Variants in COL4A5 observed in about 807,000 individuals in gnomAD.
COL4A5 encodes collagen alpha-5(IV) chain.
A neutral mutation model predicts 130.2 loss-of-function variants in COL4A5; 26 were observed. That is an observed-to-expected ratio of 0.20 (90% CI 0.15 to 0.28). The LOEUF (loss-of-function observed/expected upper bound fraction) is 0.28. Among genes scored for constraint, COL4A5 ranks in the 10% least tolerant of loss-of-function variants. COL4A5 has a pLI of 1.00. For synonymous variants in COL4A5, 496 were observed against 439.6 expected, an observed-to-expected ratio of 1.13 and a Z score of -1.60; for missense variants, 1,131 against 1,344.3, an observed-to-expected ratio of 0.84 and a Z score of 2.48.
At position 108,681,798 on chromosome X, in the gene COL4A5, A is replaced by G; in HGVS notation, c.4126A>G (p.Ile1376Val). 8.3e-7 allele frequency: 1 copy of G among 1,209,128 alleles called. No individual in the cohort carries two copies. The highest frequency in any genetic ancestry group is 1.7e-5 in the African/African-American group (1 of 57,628). The change falls in exon 47 of 53, where the codon ATA (isoleucine) becomes GTA (valine). Residue 1376 changes from isoleucine (I) to valine (V), a missense_variant. Physicochemically the swap from Ile to Val is conservative, Grantham distance 29. Transcript: ENST00000328300. Reference sequence around the variant, plus strand: ...ACCTGGTCCTTCAGGACAGAGTATCATAATTAAAGGAGATGCTGGTCCTCC... The same window carrying G: ...ACCTGGTCCTTCAGGACAGAGTATCGTAATTAAAGGAGATGCTGGTCCTCC... ...GLPGPSGQSI[I>V]IKGDAGPPGI...
chrX:108,484,646 A>G lies in COL4A5; in HGVS notation c.81+44440A>G, dbSNP rs2065904453. The stretch of plus-strand genomic sequence containing the variant: ...TCTTGTTCTCTTCCCTTATTTGCTC[A>G]CAAACAAAGGGAATCTCTCTGTGGT... On this transcript the variant is annotated intron_variant, in intron 1 of 52. Transcript: ENST00000328300. Among the ~76,000 whole-genome samples, 4 of 112,547 alleles carry G rather than the reference A, an allele frequency of 3.6e-5. No homozygotes were observed. The South Asian group carries it at 1.5e-3, about 42-fold the overall frequency.
chrX:108,572,053 C>T, intron 8 of COL4A5, among the ~76,000 whole-genome samples: 1 of 111,633 alleles, frequency 9.0e-6, no homozygotes, highest in Admixed American at 9.5e-5. Context: ...GTATATCAGA[C>T]TTGAGTTTCT....
At chrX:108,473,269 A>C (rs1188231753) in intron 1 of COL4A5, among the ~76,000 whole-genome samples, 2 of 110,732 alleles carry the variant, frequency 1.8e-5, no homozygotes, top group Non-Finnish European at 3.8e-5. Flanking sequence ...ACTACTTCAT[A>C]AGTAGAAGGA....
rs200264392 is a variant in COL4A5 at position 108,595,642 on chromosome X, C to T, written c.1516+41C>T. 5.5e-5 allele frequency: 61 copies of T among 1,116,523 alleles called. No individual in the cohort carries two copies. The East Asian group carries it at 1.8e-3, about 34-fold the overall frequency. The allele number at this position is 1,116,523 out of a possible 1,213,427, so 92.0% of individuals were successfully genotyped here. A position where few individuals can be genotyped will look rare whatever the true frequency, so the allele number is the denominator to read the frequency against. On this transcript the variant is annotated intron_variant, in intron 22 of 52. Coordinates refer to ENST00000328300, the MANE Select transcript of COL4A5 (RefSeq NM_033380.3). ...GGGTAACCTTCTAAATATTTTTTGG[C>T]TAGATTTTGTTGAGCTTATACTTTT...
In COL4A5 at chrX:108,696,136, A is replaced by G. The variant is rs958591957; in HGVS notation, c.4995-161A>G. The G allele has an allele frequency of 8.2e-6, 4 of 486,510 alleles. No individual in the cohort carries two copies. In the Admixed American group the frequency reaches 8.8e-5, roughly 11 times the overall value. 40.1% of individuals were successfully genotyped at this position (486,510 alleles called of 1,213,427 possible). ...TATGACCACTAATGGCTCTTAAACC[A>G]TACTAGTCACTGCATTAGATCATAT... On this transcript the variant is annotated intron_variant, in intron 52 of 52. Coordinates refer to ENST00000328300, the MANE Select transcript of COL4A5 (RefSeq NM_033380.3).
At chrX:108,602,864 G>A (rs2066658473) in intron 27 of COL4A5, 100 bp from the exon 28 acceptor site, 1 of 585,442 alleles carries the variant, frequency 1.7e-6, no homozygotes. Flanking sequence ...ACATCTTACT[G>A]TTGTCACTAA....
chrX:108,520,611 G>T (rs755241568), intron 1 of COL4A5, among the ~76,000 whole-genome samples: 1 of 111,562 alleles, frequency 9.0e-6, no homozygotes, highest in South Asian at 3.7e-4. Context: ...TTCAGCTTTT[G>T]CAACACTTGT....
chrX:108,509,139 A>G (rs1448952692), intron 1 of COL4A5, among the ~76,000 whole-genome samples: 1 of 112,211 alleles, frequency 8.9e-6, no homozygotes, highest in Non-Finnish European at 1.9e-5. Context: ...CAACCTACAG[A>G]ATGGGAGAAA....
At chrX:108,688,559 C>T (rs967434550) in intron 49 of COL4A5, among the ~76,000 whole-genome samples, 4 of 110,723 alleles carry the variant, frequency 3.6e-5, no homozygotes, top group African/African-American at 9.9e-5. Flanking sequence ...CCTCAGCCTC[C>T]GAAGTAGCTG....
chrX:108,507,082 C>T (rs1434089489), intron 1 of COL4A5, among the ~76,000 whole-genome samples: 2 of 109,078 alleles, frequency 1.8e-5, no homozygotes, highest in African/African-American at 6.7e-5. Context: ...AGCCCAGGAC[C>T]AGGTGGATTC....
At chrX:108,572,402 T>A (rs1363325760) in intron 8 of COL4A5, among the ~76,000 whole-genome samples, 1 of 111,716 alleles carries the variant, frequency 9.0e-6, no homozygotes. Context: ...TCCAAGTTAA[T>A]CCACCCACAA....
intron 10 of COL4A5, among the ~76,000 whole-genome samples, chrX:108,576,231 A>G (rs921355701): frequency 1.8e-5 from 2 of 112,175 alleles, no homozygotes; most frequent in African/African-American, 6.5e-5. Flanking sequence ...CTCTTGATGT[A>G]TCAGTGTTGA....
chrX:108,584,553 T>C, intron 18 of COL4A5, 28 bp downstream of exon 18: 1 of 1,159,403 alleles, frequency 8.6e-7, no homozygotes, highest in African/African-American at 1.8e-5. Flanking sequence ...AGTCTTCGTT[T>C]ATCAAATTTA....
intron 1 of COL4A5, among the ~76,000 whole-genome samples, chrX:108,482,790 C>G (rs1303919477): frequency 1.5e-4 from 17 of 111,644 alleles, no homozygotes; most frequent in Non-Finnish European, 3.8e-5. Context: ...CTCAGTATCT[C>G]CTTCTGAAGC....
At chrX:108,521,459 A>G (rs899020960) in intron 1 of COL4A5, among the ~76,000 whole-genome samples, 11 of 111,087 alleles carry the variant, frequency 9.9e-5, no homozygotes, top group East Asian at 2.8e-4. Context: ...TATTAAAAAT[A>G]TCTCTGGGCA....
In COL4A5 at chrX:108,697,031, G is replaced by A. The variant is rs1356552977; in HGVS notation, c.*653G>A. 17 of 111,299 alleles carry A rather than the reference G, an allele frequency of 1.5e-4. No homozygotes were observed. Among genetic ancestry groups the A allele is most frequent in the African/African-American group, 5.5e-4 (17 of 30,640 alleles). The allele number at this position is 111,299 out of a possible 1,213,427, so 9.2% of individuals were successfully genotyped here. A position where few individuals can be genotyped will look rare whatever the true frequency, so the allele number is the denominator to read the frequency against. On this transcript the variant is annotated 3_prime_UTR_variant, in exon 53 of 53. Transcript: ENST00000328300. Reference sequence around the variant, plus strand: ...ACTACTGAGAGTAAATTTATTTTGAGTTTTATCCCGTAAGTTCTGTTTTGA... The same window carrying A: ...ACTACTGAGAGTAAATTTATTTTGAATTTTATCCCGTAAGTTCTGTTTTGA...
chrX:108,582,671 C>G, intron 16 of COL4A5: 1 of 401,983 alleles, frequency 2.5e-6, no homozygotes, highest in Non-Finnish European at 4.3e-6. Flanking sequence ...TGCCACAAAG[C>G]TCTGAGTTCT....
At chrX:108,662,217 G>A (rs1022000421) in intron 37 of COL4A5, among the ~76,000 whole-genome samples, 1 of 108,528 alleles carries the variant, frequency 9.2e-6, no homozygotes, top group African/African-American at 3.4e-5. Flanking sequence ...CATAAAAAAT[G>A]ATGAGTTCAT....
intron 36 of COL4A5, among the ~76,000 whole-genome samples, chrX:108,638,652 TGCTATGTAGA>T (rs2067398112): frequency 8.9e-6 from 1 of 111,939 alleles, no homozygotes; most frequent in Admixed American, 9.5e-5. Context: ...GATGATATAA[TGCTATGTAGA>T]AAACTCTACA....
Sources: gnomAD v4.1 joint callset for allele counts (sites outside exome capture counted in the v4.1 genomes callset) on GRCh38, gnomAD v4.1.1 for gene constraint, MANE v1.5 for transcripts, NCBI Gene and HGNC (gene_info 2026-07-23, HGNC 2026-07-21) for gene names.